Variants in WRN observed in about 807,000 individuals in gnomAD.
The protein encoded by WRN is WRN RecQ like helicase, also known as bifunctional 3'-5' exonuclease/ATP-dependent helicase WRN.
Under a neutral mutation model 180.7 loss-of-function variants are expected in WRN, and 149 were observed. That is an observed-to-expected ratio of 0.82 (90% CI 0.72 to 0.94). The LOEUF (loss-of-function observed/expected upper bound fraction) is 0.94, where lower values mean the gene tolerates loss of function less well. Among genes scored for constraint, WRN ranks in the 40% least tolerant of loss-of-function variants. WRN has a pLI of 0.00. For missense variants in WRN, 1,661 were observed against 1,700.1 expected, an observed-to-expected ratio of 0.98 and a Z score of 0.40; for synonymous variants, 548 against 568.9, an observed-to-expected ratio of 0.96 and a Z score of 0.52.
At chr8:31,090,693 C>A in intron 14 of WRN, 141 bp from the exon 15 acceptor site, 2 of 1,041,056 alleles carry the variant, frequency 1.9e-6, no homozygotes, top group Non-Finnish European at 2.8e-6. Flanking sequence ...ATTTATGTAT[C>A]AATTAGCTTT....
Position 31,174,865 on chromosome 8 carries a change from T to C in WRN, c.*1763T>C, listed in dbSNP as rs552184781. Among the ~76,000 whole-genome samples the C allele has an allele frequency of 1.8e-3, 201 of 114,104 alleles. 1 individual carries two copies. Among genetic ancestry groups the C allele is most frequent in the African/African-American group, 5.7e-3 (187 of 32,952 alleles). 74.9% of individuals were successfully genotyped at this position (114,104 alleles called of 152,430 possible). A position where few individuals can be genotyped will look rare whatever the true frequency, so the allele number is the denominator to read the frequency against. On this transcript the variant is annotated 3_prime_UTR_variant, in exon 35 of 35. Transcript: ENST00000298139. The stretch of plus-strand genomic sequence containing the variant: ...CCTCCCTCCCTCCTTTCTTTTTCTT[T>C]CTCTTTCTTTCTTTCTTTCTCTCTC...
chr8:31,155,345 G>A (rs1433285473), intron 32 of WRN, among the ~76,000 whole-genome samples: 3 of 152,112 alleles, frequency 2.0e-5, no homozygotes, highest in African/African-American at 4.8e-5. Context: ...TACGTAGGCC[G>A]GGTGTGGTGG....
At chr8:31,061,857 C>A (rs1034696877) in intron 3 of WRN, among the ~76,000 whole-genome samples, 1 of 152,248 alleles carries the variant, frequency 6.6e-6, no homozygotes, top group Admixed American at 6.5e-5. Flanking sequence ...TGGTTGTTTG[C>A]CCAGCCCCAT....
At position 31,173,769 on chromosome 8, in the gene WRN, A is replaced by T. The variant is rs551553198; in HGVS notation, c.*667A>T. ...TTTTCATACTGAATATTATATATAT[A>T]TTTTTTAGCTTTCATTTACTTAATT... On this transcript the variant is annotated 3_prime_UTR_variant, in exon 35 of 35. Transcript: ENST00000298139. The T allele has an allele frequency of 1.3e-5, 2 of 154,736 alleles. No homozygotes were observed. The highest frequency in any genetic ancestry group is 1.8e-4 in the East Asian group (1 of 5,472). The allele number at this position is 154,736 out of a possible 1,614,324, so 9.6% of individuals were successfully genotyped here.
At chr8:31,140,521 G>A (rs1049291255) in intron 24 of WRN, among the ~76,000 whole-genome samples, 4 of 152,098 alleles carry the variant, frequency 2.6e-5, no homozygotes, top group East Asian at 1.9e-4. Context: ...AGAGCGTCCC[G>A]TAGGAATTCT....
rs771666930 is a variant in WRN, at chr8:31,120,257, C to T, written c.2463C>T (p.Thr821=). Residue 821 remains threonine, a synonymous_variant, in exon 21 of 35, where the codon ACC becomes ACT. Coordinates refer to ENST00000298139, the MANE Select transcript of WRN (RefSeq NM_000553.6). ...TTTGTTCTCAGTGTGTCATAGCTAC[C>T]ATAGCTTTTGGAATGGGCATTAATA... The part of the protein sequence containing the change: ...VRDEIQCVIA[T]IAFGMGINKA... 1.2e-6 allele frequency: 2 copies of T among 1,612,486 alleles called. No individual in the cohort carries two copies. Among genetic ancestry groups the T allele is most frequent in the Non-Finnish European group, 1.7e-6 (2 of 1,178,840 alleles).
At chr8:31,114,396 T>G (rs1160853777) in intron 19 of WRN, among the ~76,000 whole-genome samples, 1 of 152,188 alleles carries the variant, frequency 6.6e-6, no homozygotes, top group Non-Finnish European at 1.5e-5. Context: ...CTCAGAAAAT[T>G]AAGAGGAAAT....
chr8:31,039,335 A>G (rs1347163132), intron 1 of WRN, among the ~76,000 whole-genome samples: 2 of 152,052 alleles, frequency 1.3e-5, no homozygotes, highest in South Asian at 2.1e-4. Context: ...GCTATTGTAA[A>G]TGCAGTTACT....
At chr8:31,139,191 TAGAG>T (rs1802512432) in intron 24 of WRN, among the ~76,000 whole-genome samples, 1 of 152,196 alleles carries the variant, frequency 6.6e-6, no homozygotes, top group South Asian at 2.1e-4. Flanking sequence ...ACGTTTGTAA[TAGAG>T]AGCCCTATAG....
Position 31,067,082 on chromosome 8 carries a change from T to A in WRN, c.554T>A (p.Leu185Ter). ...CTTAACAGTCTGGTTAAACACCTCT[T>A]AGGTAAACAGCTCCTGAAAGACAAG... is the stretch of plus-strand genomic sequence containing the variant. ...WSLNSLVKHL[L>*]GKQLLKDKSI... Residue 185 changes from leucine to a stop codon, truncating the protein, a stop_gained, in exon 6 of 35, where the codon TTA (leucine) becomes TAA (stop). Transcript: ENST00000298139. LOFTEE classifies it high-confidence loss of function. 1.2e-6 allele frequency: 2 copies of A among 1,613,958 alleles called. No individual in the cohort carries two copies. Among genetic ancestry groups the A allele is most frequent in the Non-Finnish European group, 1.7e-6 (2 of 1,179,956 alleles).
Position 31,173,089 on chromosome 8 carries a change from G to A in WRN, c.4286G>A (p.Gly1429Asp), listed in dbSNP as rs1471724942. 10 of 1,613,816 alleles carry A rather than the reference G, an allele frequency of 6.2e-6. No homozygotes were observed. The highest frequency in any genetic ancestry group is 8.5e-6 in the Non-Finnish European group (10 of 1,179,814). ...TTAATGGACAAAACGAAAAGGGGAG[G>A]TCTTTTTAGTTAAGCTGGCAATTAC... ...KKLMDKTKRG[G>D]LFS The change falls in exon 35 of 35, where the codon GGT becomes GAT. Residue 1429 changes from glycine to aspartate, a missense_variant. Coordinates refer to ENST00000298139, the MANE Select transcript of WRN (RefSeq NM_000553.6).
chr8:31,091,949 A>G, intron 16 of WRN, 51 bp downstream of exon 16: 1 of 1,554,112 alleles, frequency 6.4e-7, no homozygotes, highest in Non-Finnish European at 8.9e-7. Context: ...GGGGGTGCAT[A>G]TGCAAGTTTG....
rs1233407226 is a variant in WRN at position 31,130,010 on chromosome 8, A to AAAC, written c.2826-2353_2826-2352insCAA. ...CAGAGCGACACTCTTGTCTCAAAAA[A>AAAC]AAAACAAAACAAAACAAAAAAAAAA... On this transcript the variant is annotated intron_variant, in intron 23 of 34. Coordinates refer to ENST00000298139, the MANE Select transcript of WRN (RefSeq NM_000553.6). Among the ~76,000 whole-genome samples the AAAC allele has an allele frequency of 4.2e-3, 497 of 118,532 alleles. 16 individuals carry two copies. The highest frequency in any genetic ancestry group is 9.1e-3 in the Middle Eastern group (2 of 220). The allele number at this position is 118,532 out of a possible 152,430, so 77.8% of individuals were successfully genotyped here. A position where few individuals can be genotyped will look rare whatever the true frequency, so the allele number is the denominator to read the frequency against.
intron 32 of WRN, 116 bp from the exon 33 acceptor site, chr8:31,157,252 G>T: frequency 7.0e-7 from 1 of 1,438,810 alleles, no homozygotes; most frequent in Non-Finnish European, 9.5e-7. Flanking sequence ...TAAAGGTTTA[G>T]TTCATTGTTT....
intron 3 of WRN, among the ~76,000 whole-genome samples, chr8:31,063,088 T>A (rs1812555109): frequency 6.6e-6 from 1 of 152,160 alleles, no homozygotes; most frequent in South Asian, 2.1e-4. Context: ...CCTGCCTTGG[T>A]CTCTTACTTA....
chr8:31,081,347 A>T, intron 9 of WRN, 51 bp downstream of exon 9: 2 of 1,584,482 alleles, frequency 1.3e-6, no homozygotes, highest in Non-Finnish European at 1.7e-6. Flanking sequence ...GTTCTGGCAG[A>T]CTTTATTCCC....
intron 1 of WRN, among the ~76,000 whole-genome samples, chr8:31,057,179 A>G (rs185825327): frequency 6.6e-6 from 1 of 152,326 alleles, no homozygotes; most frequent in East Asian, 1.9e-4. Context: ...ATATTGTTAA[A>G]TATCAAATAC....
intron 15 of WRN, among the ~76,000 whole-genome samples, chr8:31,091,363 G>C (rs780579732): frequency 1.3e-5 from 2 of 151,800 alleles, no homozygotes; most frequent in African/African-American, 4.8e-5. Context: ...ATATTCATGG[G>C]GTACTGTAGT....
chr8:31,172,158 T>TGTGC (rs1307350460), intron 34 of WRN, among the ~76,000 whole-genome samples: 10 of 151,946 alleles, frequency 6.6e-5, no homozygotes, highest in African/African-American at 1.7e-4. Context: ...TGTGTGTGTG[T>TGTGC]GCCTGTGTGT....
Sources: allele counts gnomAD v4.1 joint callset (sites outside exome capture counted in the v4.1 genomes callset), GRCh38; gene constraint gnomAD v4.1.1; transcripts MANE v1.5; gene names NCBI Gene and HGNC (gene_info 2026-07-23, HGNC 2026-07-21).